Variants in ACSS3 observed in about 807,000 individuals in gnomAD.
ACSS3 encodes acyl-CoA synthetase short chain family member 3, also known as acyl-CoA synthetase short-chain family member 3, mitochondrial.
ACSS3 carries 64 observed loss-of-function variants against 84.2 expected under a neutral mutation model. The observed-to-expected ratio is 0.76, with a 90% CI of 0.62 to 0.94. The LOEUF is 0.94. Among genes scored for constraint, ACSS3 ranks in the 40% least tolerant of loss-of-function variants. ACSS3 has a pLI of 0.00. For missense variants in ACSS3, 815 were observed against 867.6 expected (o/e 0.94, Z 0.76); for synonymous variants, 317 against 310.1 (o/e 1.02, Z -0.23).
chr12:81,228,624 T>G (rs1299004677), intron 11 of ACSS3, among the ~76,000 whole-genome samples: 1 of 151,860 alleles, frequency 6.6e-6, no homozygotes, highest in Non-Finnish European at 1.5e-5. Flanking sequence ...TAGAAGTTGC[T>G]AACATAATTG....
chr12:81,233,696 T>C (rs939524802), intron 13 of ACSS3, among the ~76,000 whole-genome samples: 1 of 151,652 alleles, frequency 6.6e-6, no homozygotes, highest in African/African-American at 2.4e-5. Flanking sequence ...CACTTACATA[T>C]ATTTTTTGTT....
rs78418094 is a variant in ACSS3, at chr12:81,137,594, C to T, written c.646-1537C>T. Among the ~76,000 whole-genome samples, 1,458 of 152,206 alleles carry T rather than the reference C, an allele frequency of 9.6e-3. 102 individuals carry two copies. In the East Asian group the frequency reaches 0.2, roughly 21 times the overall value. ...AGAAGATGGAAAGGATGTATTCTAA[C>T]AAGTCAGTCTAGACTCAATAAGATC... is the stretch of plus-strand genomic sequence containing the variant. On this transcript the variant is annotated intron_variant, in intron 3 of 15. Transcript: ENST00000548058.
chr12:81,174,831 T>A lies in ACSS3; in HGVS notation c.1142T>A (p.Val381Glu), dbSNP rs2030354295. The A allele has an allele frequency of 6.2e-7, 1 of 1,613,834 alleles. No individual in the cohort carries two copies. Among genetic ancestry groups the A allele is most frequent in the Admixed American group, 1.7e-5 (1 of 59,980 alleles). Residue 381 changes from valine (V) to glutamate (E), a missense_variant, in exon 8 of 16, where the codon GTG (valine) becomes GAG (glutamate). Physicochemically the swap from Val to Glu is moderately radical, Grantham distance 121. Coordinates refer to ENST00000548058, the MANE Select transcript of ACSS3 (RefSeq NM_024560.4). ...CCAGATGCTGGCGCTTATTTCCGTG[T>A]GCTTGCAGAGCATGGAGTAGCTGCC... ...GTPDAGAYFR[V>E]LAEHGVAALF...
chr12:81,152,674 A>G (rs1259115034), intron 7 of ACSS3, among the ~76,000 whole-genome samples: 3 of 152,182 alleles, frequency 2.0e-5, no homozygotes, highest in Non-Finnish European at 4.4e-5. Context: ...AACTTTATCA[A>G]TGTCTTGTAT....
At position 81,139,238 on chromosome 12, in the gene ACSS3, A is replaced by C. The variant is rs1418618092; in HGVS notation, c.753A>C (p.Lys251Asn). The stretch of plus-strand genomic sequence containing the variant: ...AAATAGGACAACACAAACCAGACAA[A>C]ATTCTCATTTATAATCGTCCAAATA... ...ALKIGQHKPD[K>N]ILIYNRPNME... is the part of the protein sequence containing the mutation. Residue 251 changes from lysine (K) to asparagine (N), a missense_variant, in exon 4 of 16, where the codon AAA (lysine) becomes AAC (asparagine). Transcript: ENST00000548058. 3 of 1,613,990 alleles carry C rather than the reference A, an allele frequency of 1.9e-6. No individual in the cohort carries two copies. Among genetic ancestry groups the C allele is most frequent in the Non-Finnish European group, 2.5e-6 (3 of 1,179,938 alleles).
chr12:81,115,714 A>G (rs1883983831), intron 2 of ACSS3, among the ~76,000 whole-genome samples: 1 of 152,196 alleles, frequency 6.6e-6, no homozygotes. Flanking sequence ...TCTCACAATT[A>G]AAGAGAAGAC....
intron 1 of ACSS3, among the ~76,000 whole-genome samples, chr12:81,099,525 A>G (rs1027441605): frequency 1.3e-5 from 2 of 152,188 alleles, no homozygotes; most frequent in African/African-American, 4.8e-5. Flanking sequence ...GCACTTTTTG[A>G]GAATTTCATA....
intron 4 of ACSS3, 64 bp downstream of exon 4, chr12:81,139,329 A>G (rs1885966569): frequency 1.9e-6 from 3 of 1,558,690 alleles, no homozygotes; most frequent in African/African-American, 2.7e-5. Flanking sequence ...TTTAGTTTTT[A>G]CCATTTAAAA....
At position 81,256,140 on chromosome 12, in the gene ACSS3, A is replaced by C. The variant is rs2034287104; in HGVS notation, c.*1218A>C. The C allele has an allele frequency of 6.6e-6, 1 of 152,156 alleles. No homozygotes were observed. Among genetic ancestry groups the C allele is most frequent in the African/African-American group, 2.4e-5 (1 of 41,436 alleles). The allele number at this position is 152,156 out of a possible 1,614,324, so 9.4% of individuals were successfully genotyped here. ...CAAAGGACAGTAGAAAATGGTGAAG[A>C]CTGCAGATCACCTGCTATACCTCAA... On this transcript the variant is annotated 3_prime_UTR_variant, in exon 16 of 16. Coordinates refer to ENST00000548058, the MANE Select transcript of ACSS3 (RefSeq NM_024560.4).
intron 1 of ACSS3, among the ~76,000 whole-genome samples, chr12:81,084,815 C>CA (rs1565966989): frequency 6.6e-6 from 1 of 152,006 alleles, no homozygotes; most frequent in African/African-American, 2.4e-5. Flanking sequence ...TATTGAAAAT[C>CA]AAAAAAATAT....
At chr12:81,080,631 A>G (rs1028220173) in intron 1 of ACSS3, among the ~76,000 whole-genome samples, 2 of 152,176 alleles carry the variant, frequency 1.3e-5, no homozygotes, top group Non-Finnish European at 2.9e-5. Flanking sequence ...TCAGTTAGTC[A>G]GTAGTTTCAA....
chr12:81,077,950 C>G (rs1880718712), upstream of ACSS3: 2 of 737,346 alleles, frequency 2.7e-6, no homozygotes, highest in Non-Finnish European at 4.1e-6. Flanking sequence ...TGTTGCTTCT[C>G]TGGTCGCTCC....
intron 1 of ACSS3, among the ~76,000 whole-genome samples, chr12:81,105,675 A>G (rs1349516189): frequency 6.6e-6 from 1 of 152,202 alleles, no homozygotes; most frequent in Non-Finnish European, 1.5e-5. Context: ...CATTCATCAA[A>G]CAAATATTGA....
At chr12:81,123,552 G>A (rs138006375) in intron 2 of ACSS3, among the ~76,000 whole-genome samples, 280 of 152,138 alleles carry the variant, frequency 1.8e-3, no homozygotes, top group Non-Finnish European at 3.5e-3. Flanking sequence ...ATTGCGTGTT[G>A]TTGAGGTTTG....
At chr12:81,236,902 C>G (rs1192438647) in intron 13 of ACSS3, among the ~76,000 whole-genome samples, 1 of 151,224 alleles carries the variant, frequency 6.6e-6, no homozygotes, top group Non-Finnish European at 1.5e-5. Context: ...TACCCTAGGT[C>G]TTATTATGAC....
chr12:81,220,261 T>A (rs2033057752), intron 11 of ACSS3, among the ~76,000 whole-genome samples, 185 bp downstream of exon 11: 1 of 152,112 alleles, frequency 6.6e-6, no homozygotes, highest in South Asian at 2.1e-4. Flanking sequence ...ACGACCAATT[T>A]AAATGCAATT....
At chr12:81,222,690 A>G (rs954069731) in intron 11 of ACSS3, among the ~76,000 whole-genome samples, 1 of 152,068 alleles carries the variant, frequency 6.6e-6, no homozygotes, top group African/African-American at 2.4e-5. Context: ...AGATTTTTCT[A>G]CATTCTTCTT....
chr12:81,105,286 T>G (rs534536225), intron 1 of ACSS3, among the ~76,000 whole-genome samples: 34 of 151,868 alleles, frequency 2.2e-4, no homozygotes, highest in Non-Finnish European at 4.1e-4. Flanking sequence ...CATCAGCAAA[T>G]AAATGAAATA....
intron 13 of ACSS3, among the ~76,000 whole-genome samples, chr12:81,240,431 T>G (rs2033759089): frequency 6.6e-6 from 1 of 152,052 alleles, no homozygotes; most frequent in Non-Finnish European, 1.5e-5. Flanking sequence ...TCTATATGTA[T>G]TGTTATATTT....
Sources: gnomAD v4.1 joint callset for allele counts (sites outside exome capture counted in the v4.1 genomes callset) on GRCh38, gnomAD v4.1.1 for gene constraint, MANE v1.5 for transcripts, NCBI Gene and HGNC (gene_info 2026-07-23, HGNC 2026-07-21) for gene names.